The following MARK3 variants were observed in gnomAD, a reference collection of about 807,000 sequenced individuals.
The protein encoded by MARK3 is microtubule affinity regulating kinase 3.
Under a neutral mutation model 90.1 loss-of-function variants are expected in MARK3, and 46 were observed. The ratio of observed to expected loss-of-function variants is 0.51; its 90% CI spans 0.40 to 0.65. MARK3 has a LOEUF of 0.65. MARK3 is among the 30% of genes least tolerant of loss of function. MARK3 has a pLI of 0.00. For missense variants in MARK3, 818 were observed against 947.2 expected (o/e 0.86, Z 1.79); for synonymous variants, 321 against 332.6 (o/e 0.97, Z 0.38).
chr14:103,473,230 A>G lies in MARK3; in HGVS notation c.1265-1763A>G, dbSNP rs368042563. Among the ~76,000 whole-genome samples, 22 of 152,330 alleles carry G rather than the reference A, an allele frequency of 1.4e-4. No individual in the cohort carries two copies. In the South Asian group the frequency reaches 2.1e-3, roughly 14 times the overall value. On this transcript the variant is annotated intron_variant, in intron 12 of 17. Transcript: ENST00000429436. ...GGCTGTGGCTATGAAAGGGTAGTCT[A>G]CAGGGTCTTTGAGATGGAAATGTTC...
intron 12 of MARK3, among the ~76,000 whole-genome samples, chr14:103,472,709 C>T (rs1444881208): frequency 6.7e-6 from 1 of 148,286 alleles, no homozygotes; most frequent in Non-Finnish European, 1.5e-5. Flanking sequence ...GACTACTACT[C>T]ACAATAAAAA....
intron 3 of MARK3, among the ~76,000 whole-genome samples, chr14:103,435,506 T>C (rs1343076454): frequency 2.0e-5 from 3 of 152,182 alleles, no homozygotes; most frequent in African/African-American, 7.2e-5. Flanking sequence ...CCTCCTGGGT[T>C]CACGCCATTC....
intron 1 of MARK3, among the ~76,000 whole-genome samples, chr14:103,393,168 A>C (rs946607668): frequency 1.3e-5 from 2 of 152,012 alleles, no homozygotes; most frequent in Admixed American, 1.3e-4. Context: ...TTTTCGGTAG[A>C]GACTGGGTTT....
chr14:103,492,809 A>G (rs191159995), intron 15 of MARK3, among the ~76,000 whole-genome samples: 1 of 152,306 alleles, frequency 6.6e-6, no homozygotes, highest in Admixed American at 6.5e-5. Context: ...GGCTGCTTCA[A>G]GAGGAAAAAG....
chr14:103,435,552 G>C (rs2092694201), intron 3 of MARK3, among the ~76,000 whole-genome samples: 1 of 152,040 alleles, frequency 6.6e-6, no homozygotes, highest in African/African-American at 2.4e-5. Context: ...GGGACTACAA[G>C]CACCCGCCAC....
chr14:103,460,135 G>T (rs1301468536), intron 6 of MARK3, among the ~76,000 whole-genome samples: 1 of 116,466 alleles, frequency 8.6e-6, no homozygotes, highest in African/African-American at 3.3e-5. Context: ...GCCCAGGCTG[G>T]AGTGCAGTGG....
rs577782855 is a variant in MARK3, at chr14:103,388,516, T to C, written c.51+2436T>C. On this transcript the variant is annotated intron_variant, in intron 1 of 17. Coordinates refer to ENST00000429436, the MANE Select transcript of MARK3 (RefSeq NM_001128918.3). ...GAGCTCTCATTCTGTTGAGAACCTT[T>C]TTTCTTAAAGTTAGGTTTGTTGAGA... is the stretch of plus-strand genomic sequence containing the variant. Among the ~76,000 whole-genome samples, 28 of 152,350 alleles carry C rather than the reference T, an allele frequency of 1.8e-4. No individual in the cohort carries two copies. The South Asian group carries it at 5.8e-3, about 32-fold the overall frequency.
At chr14:103,425,989 A>G (rs780896012) in intron 2 of MARK3, among the ~76,000 whole-genome samples, 2 of 152,236 alleles carry the variant, frequency 1.3e-5, no homozygotes, top group Non-Finnish European at 2.9e-5. Context: ...GTTAATGTAC[A>G]TAATGCAGCC....
intron 3 of MARK3, among the ~76,000 whole-genome samples, chr14:103,438,113 C>G (rs2065013): frequency 0.97 from 147,222 of 152,218 alleles, 71,359 homozygotes; most frequent in East Asian, 1. Context: ...TGATTCCCCT[C>G]CCTCAGCCTC....
intron 2 of MARK3, among the ~76,000 whole-genome samples, chr14:103,413,429 CT>C (rs33971338): frequency 5.2e-4 from 68 of 131,706 alleles, no homozygotes; most frequent in Middle Eastern, 3.9e-3. Context: ...TAATAGCATG[CT>C]TTTTTTTTTT....
At position 103,491,189 on chromosome 14, in the gene MARK3, A is replaced by G. The variant is rs184751216; in HGVS notation, c.1587-588A>G. 7.1e-5 allele frequency: 77 copies of G among 1,081,588 alleles called. No homozygotes were observed. In the African/African-American group the frequency reaches 1.2e-3, roughly 17 times the overall value. 67.0% of individuals were successfully genotyped at this position (1,081,588 alleles called of 1,614,324 possible). A position where few individuals can be genotyped will look rare whatever the true frequency, so the allele number is the denominator to read the frequency against. The stretch of plus-strand genomic sequence containing the variant: ...TGTGCTGTGGATTTTATAGTCTGAG[A>G]TTTTGTTACAGTTGTCCACAAGGCG... On this transcript the variant is annotated intron_variant, in intron 14 of 17. Transcript: ENST00000429436.
intron 3 of MARK3, among the ~76,000 whole-genome samples, chr14:103,436,871 A>G (rs1389361137): frequency 6.6e-6 from 1 of 152,158 alleles, no homozygotes; most frequent in Non-Finnish European, 1.5e-5. Flanking sequence ...GGGTGGGATC[A>G]CCTGAGGTCT....
At chr14:103,478,308 A>AAAG (rs1375963666) in intron 13 of MARK3, among the ~76,000 whole-genome samples, 30 of 151,594 alleles carry the variant, frequency 2.0e-4, no homozygotes, top group Admixed American at 2.0e-3. Context: ...AAAAAAAAAA[A>AAAG]AAAGAACACC....
intron 3 of MARK3, among the ~76,000 whole-genome samples, chr14:103,448,291 C>G (rs2093045041): frequency 1.3e-5 from 2 of 152,102 alleles, no homozygotes; most frequent in Admixed American, 1.3e-4. Context: ...TTGCTAAGGT[C>G]CCACTGGCCA....
intron 2 of MARK3, among the ~76,000 whole-genome samples, chr14:103,421,770 G>A (rs2092231937): frequency 6.6e-6 from 1 of 152,044 alleles, no homozygotes. Flanking sequence ...CCTTCTCTTG[G>A]CCATTCTTTG....
At chr14:103,473,387 G>A (rs1032134138) in intron 12 of MARK3, among the ~76,000 whole-genome samples, 2 of 152,170 alleles carry the variant, frequency 1.3e-5, no homozygotes, top group African/African-American at 4.8e-5. Flanking sequence ...TTAGATCAAG[G>A]TCTGTTTCTC....
At position 103,413,590 on chromosome 14, in the gene MARK3, TTTTATTTTATTTTATTTTATTTA is replaced by T. The variant is rs1318002881; in HGVS notation, c.243+8346_243+8368del. 2.7e-3 allele frequency among the ~76,000 whole-genome samples: 398 copies of T among 146,498 alleles called. 1 individual carries two copies. Among genetic ancestry groups the T allele is most frequent in the African/African-American group, 9.3e-3 (380 of 40,982 alleles). ...AGCACACAGTACCGCACCTGGCTTA[TTTTATTTTATTTTATTTTATTTA>T]TTTATTTTATTTTATTTTATTTTTG... On this transcript the variant is annotated intron_variant, in intron 2 of 17. Transcript: ENST00000429436.
At chr14:103,449,570 T>C (rs1830624242) in intron 4 of MARK3, among the ~76,000 whole-genome samples, 1 of 152,200 alleles carries the variant, frequency 6.6e-6, no homozygotes, top group South Asian at 2.1e-4. Context: ...GGAATTATTT[T>C]ATAAATCAAA....
At chr14:103,461,175 A>G (rs886215187) in intron 6 of MARK3, among the ~76,000 whole-genome samples, 5 of 152,184 alleles carry the variant, frequency 3.3e-5, no homozygotes, top group African/African-American at 1.2e-4. Context: ...TTATAACCTC[A>G]GTTTTGTGTA....
Sources: allele counts gnomAD v4.1 joint callset (sites outside exome capture counted in the v4.1 genomes callset), GRCh38; gene constraint gnomAD v4.1.1; transcripts MANE v1.5; gene names NCBI Gene and HGNC (gene_info 2026-07-23, HGNC 2026-07-21).